TRRAP: variants seen among roughly 807,000 people sequenced by gnomAD.
TRRAP encodes the protein transformation/transcription domain-associated protein.
TRRAP carries 41 observed loss-of-function variants against 438.8 expected under a neutral mutation model. That is an observed-to-expected ratio of 0.09 (90% CI 0.07 to 0.12). The LOEUF is 0.12. TRRAP is among the 10% of genes least tolerant of loss of function. The probability of loss-of-function intolerance (pLI) is 1.00; values close to 1 mark genes in which losing one functional copy is unlikely to be tolerated. For missense variants in TRRAP, 3,122 were observed against 5,055.1 expected (o/e 0.62, Z 11.60); for synonymous variants, 1,994 against 1,962.9 (o/e 1.02, Z -0.42).
rs782546832 is a variant in TRRAP at position 98,930,010 on chromosome 7, A to T, written c.3197A>T (p.Tyr1066Phe). Reference protein sequence around the residue: ...QQCGPFLLPCYQVGSQPSTAM... With the variant: ...QQCGPFLLPCFQVGSQPSTAM... ...TTAGGCCCTTTCTTGCTGCCTTGCT[A>T]CCAGGTGGGCAGCCAGCCCAGCACA... The change falls in exon 24 of 73, where the codon TAC becomes TTC. Residue 1066 changes from tyrosine (Y) to phenylalanine (F), a missense_variant. Tyr to Phe is a conservative substitution (Grantham distance 22). Coordinates refer to ENST00000456197, the MANE Select transcript of TRRAP (RefSeq NM_001375524.1). 1 of 1,613,978 alleles carries T rather than the reference A, an allele frequency of 6.2e-7. No individual in the cohort carries two copies. The highest frequency in any genetic ancestry group is 8.5e-7 in the Non-Finnish European group (1 of 1,180,040).
At chr7:98,962,949 C>T (rs936068553) in intron 47 of TRRAP, among the ~76,000 whole-genome samples, 1 of 152,158 alleles carries the variant, frequency 6.6e-6, no homozygotes, top group African/African-American at 2.4e-5. Flanking sequence ...TTGTGGCAGA[C>T]ACATGTCTTT....
Position 98,931,640 on chromosome 7 carries a change from C to T in TRRAP, c.3827C>T (p.Thr1276Met), listed in dbSNP as rs1554412957. The stretch of plus-strand genomic sequence containing the variant: ...GCCCAGGTCACTGGGAAGAGTGTCA[C>T]GGTGATCATGGAACCCCACAAAGAG... ...VLAQVTGKSV[T>M]VIMEPHKEVL... Residue 1276 changes from threonine to methionine, a missense_variant, in exon 26 of 73, where the codon ACG (threonine) becomes ATG (methionine). Thr to Met is a moderately conservative substitution (Grantham distance 81, BLOSUM62 -1). Transcript: ENST00000456197. The T allele has an allele frequency of 3.1e-6, 5 of 1,614,092 alleles. No homozygotes were observed. The highest frequency in any genetic ancestry group is 3.4e-6 in the Non-Finnish European group (4 of 1,179,944).
chr7:98,951,293 G>A (rs915903959), intron 39 of TRRAP, among the ~76,000 whole-genome samples: 58 of 152,118 alleles, frequency 3.8e-4, no homozygotes, highest in African/African-American at 1.3e-3. Flanking sequence ...TCATATAGCA[G>A]TTATTTTGTG....
intron 51 of TRRAP, among the ~76,000 whole-genome samples, chr7:98,968,445 T>C (rs139047950): frequency 2.6e-5 from 4 of 152,344 alleles, no homozygotes; most frequent in Admixed American, 1.3e-4. Context: ...CTCAGTGTTA[T>C]GAAAGCGAGG....
At chr7:98,966,830 C>T (rs1039827595) in intron 49 of TRRAP, among the ~76,000 whole-genome samples, 100 of 152,168 alleles carry the variant, frequency 6.6e-4, no homozygotes, top group African/African-American at 2.3e-3. Flanking sequence ...TTATAATTTA[C>T]AGTTGCTTTC....
chr7:98,882,618 C>T (rs935079902), intron 3 of TRRAP, among the ~76,000 whole-genome samples: 7 of 151,548 alleles, frequency 4.6e-5, no homozygotes, highest in African/African-American at 1.7e-4. Flanking sequence ...CTGCCTCAGC[C>T]TCTCAAGGTG....
chr7:98,902,906 T>C (rs6963517), intron 11 of TRRAP, among the ~76,000 whole-genome samples: 21,743 of 92,492 alleles, frequency 0.24, 5,067 homozygotes, highest in African/African-American at 0.54. Flanking sequence ...GACCCCCATT[T>C]CTAAAAAAAA....
chr7:98,951,727 T>C (rs1039247756), intron 39 of TRRAP, among the ~76,000 whole-genome samples: 5 of 152,220 alleles, frequency 3.3e-5, no homozygotes, highest in African/African-American at 1.2e-4. Context: ...GTTGTTTCCA[T>C]TGGCAGATTC....
chr7:98,938,609 T>C (rs1254908684), intron 30 of TRRAP, among the ~76,000 whole-genome samples: 4 of 152,236 alleles, frequency 2.6e-5, no homozygotes, highest in Non-Finnish European at 4.4e-5. Flanking sequence ...CATCATTTCA[T>C]GTCAGTACCT....
In TRRAP at chr7:98,948,104, G is replaced by A. The variant is rs1176641350; in HGVS notation, c.4549-117G>A. On this transcript the variant is annotated intron_variant, in intron 33 of 72. Coordinates refer to ENST00000456197, the MANE Select transcript of TRRAP (RefSeq NM_001375524.1). The surrounding 1 kb of genome is among the most constrained non-coding windows in gnomAD (Gnocchi z 4.9). ...TGTGGCTTTTACATGTGAACCCTTC[G>A]CTTCACTGCCTAGCCTTGCCAACAT... The A allele has an allele frequency of 1.9e-5, 27 of 1,457,120 alleles. No individual in the cohort carries two copies. Among genetic ancestry groups the A allele is most frequent in the Middle Eastern group, 1.9e-4 (1 of 5,264 alleles). 90.3% of individuals were successfully genotyped at this position (1,457,120 alleles called of 1,614,324 possible). A position where few individuals can be genotyped will look rare whatever the true frequency, so the allele number is the denominator to read the frequency against.
chr7:98,974,967 C>T (rs540900172), intron 53 of TRRAP, among the ~76,000 whole-genome samples: 2 of 152,288 alleles, frequency 1.3e-5, no homozygotes, highest in South Asian at 4.1e-4. Flanking sequence ...GATTCTGATC[C>T]AAACCCCCAC....
At chr7:98,917,843 C>T (rs73711453) in intron 20 of TRRAP, among the ~76,000 whole-genome samples, 164 bp downstream of exon 20, 7 of 152,132 alleles carry the variant, frequency 4.6e-5, no homozygotes, top group African/African-American at 1.4e-4. Context: ...TAAAGAAGGC[C>T]GGGCACGGTG....
Position 98,910,219 on chromosome 7 carries a change from CCCCACCTCCACCCCCG to C in TRRAP, c.1518_1533del (p.Pro507HisfsTer8). The C allele has an allele frequency of 1.4e-6, 1 of 699,364 alleles. No individual in the cohort carries two copies. Among genetic ancestry groups the C allele is most frequent in the Admixed American group, 2.3e-5 (1 of 43,552 alleles). The allele number at this position is 699,364 out of a possible 1,614,324, so 43.3% of individuals were successfully genotyped here. On this transcript the variant is annotated frameshift_variant, in exon 15 of 73. Transcript: ENST00000456197. LOFTEE classifies it high-confidence loss of function. ...GCTCCCTCCCCAGCCCCTGTCCCTG[CCCCACCTCCACCCCCG>C]CCCCCACCCCCACCTGCCACCCCTG...
In TRRAP at chr7:98,930,022, G is replaced by A; in HGVS notation, c.3209G>A (p.Ser1070Asn). 2 of 1,614,198 alleles carry A rather than the reference G, an allele frequency of 1.2e-6. No individual in the cohort carries two copies. Among genetic ancestry groups the A allele is most frequent in the African/African-American group, 2.7e-5 (2 of 75,040 alleles). The stretch of plus-strand genomic sequence containing the variant: ...TTGCTGCCTTGCTACCAGGTGGGCA[G>A]CCAGCCCAGCACAGCCATGTTTCAC... ...PFLLPCYQVG[S>N]QPSTAMFHSE... Residue 1070 changes from serine (S) to asparagine (N), a missense_variant, in exon 24 of 73, where the codon AGC becomes AAC. Coordinates refer to ENST00000456197, the MANE Select transcript of TRRAP (RefSeq NM_001375524.1).
chr7:98,895,280 A>G (rs1230458880), intron 6 of TRRAP, among the ~76,000 whole-genome samples: 3 of 152,090 alleles, frequency 2.0e-5, no homozygotes, highest in Non-Finnish European at 4.4e-5. Flanking sequence ...AGGTATTTCA[A>G]ATTTCTTATT....
At position 99,012,272 on chromosome 7, in the gene TRRAP, A is replaced by G; in HGVS notation, c.11539A>G (p.Ser3847Gly). The G allele has an allele frequency of 6.2e-7, 1 of 1,613,876 alleles. No individual in the cohort carries two copies. The highest frequency in any genetic ancestry group is 2.2e-5 in the East Asian group (1 of 44,874). Residue 3847 changes from serine (S) to glycine (G), a missense_variant, in exon 73 of 73, where the codon AGC becomes GGC. By Grantham distance (56) the Ser-to-Gly change is moderately conservative (BLOSUM62 0). This residue lies in a region of TRRAP where 192 missense variants were observed against 355.6 expected (regional missense o/e 0.54). Coordinates refer to ENST00000456197, the MANE Select transcript of TRRAP (RefSeq NM_001375524.1). The surrounding 1 kb of genome is among the most constrained non-coding windows in gnomAD (Gnocchi z 5.9). ...CCTCGCCCAGTTCGAAGGCGGGGAA[A>G]GCAAGGTGAACACCCTGGTGGCCGC... The part of the protein sequence containing the change: ...HNLAQFEGGE[S>G]KVNTLVAAAN...
chr7:98,888,229 CA>C (rs1169797218), intron 3 of TRRAP, among the ~76,000 whole-genome samples: 388 of 131,558 alleles, frequency 2.9e-3, no homozygotes, highest in Middle Eastern at 8.3e-3. Context: ...GACTCCATCT[CA>C]AAAAAAAAAA....
rs560574213 is a variant in TRRAP, at chr7:98,969,797, G to A, written c.7513-315G>A. Among the ~76,000 whole-genome samples the A allele has an allele frequency of 5.3e-5, 8 of 152,320 alleles. No individual in the cohort carries two copies. In the South Asian group the frequency reaches 1.7e-3, roughly 32 times the overall value. On this transcript the variant is annotated intron_variant, in intron 51 of 72. Coordinates refer to ENST00000456197, the MANE Select transcript of TRRAP (RefSeq NM_001375524.1). Reference sequence around the variant, plus strand: ...GTGTGGAAAGAGATGGGTTCAGGAGGACGAGTCTGGGGGTGAGGTGGGAGG... The same window carrying A: ...GTGTGGAAAGAGATGGGTTCAGGAGAACGAGTCTGGGGGTGAGGTGGGAGG...
intron 67 of TRRAP, chr7:98,999,876 A>T: frequency 2.5e-6 from 1 of 403,320 alleles, no homozygotes; most frequent in Non-Finnish European, 4.5e-6. Flanking sequence ...CATCTTAAAT[A>T]CTCGCCAGGG....
Sources: gnomAD v4.1 joint callset for allele counts (sites outside exome capture counted in the v4.1 genomes callset) on GRCh38, gnomAD v4.1.1 for gene constraint, gnomAD v4.1.1 regional missense constraint, Gnocchi (gnomAD v3.1) non-coding constraint, MANE v1.5 for transcripts, NCBI Gene and HGNC (gene_info 2026-07-23, HGNC 2026-07-21) for gene names.